The following MCRIP1 variants were observed in gnomAD, a reference collection of about 807,000 sequenced individuals.
MCRIP1 encodes mapk-regulated corepressor-interacting protein 1.
A neutral mutation model predicts 14.4 loss-of-function variants in MCRIP1; 10 were observed. The observed-to-expected ratio is 0.70, with a 90% CI of 0.43 to 1.18. The LOEUF is 1.18. MCRIP1 is among the 50% of genes most tolerant of loss of function. The pLI is 0.00. For synonymous variants in MCRIP1, 53 were observed against 55.7 expected (o/e 0.95, Z 0.21); for missense variants, 119 against 135.4 (o/e 0.88, Z 0.60).
intron 1 of MCRIP1, chr17:81,826,227 A>ACG (rs774829734): frequency 3.6e-4 from 220 of 610,332 alleles, no homozygotes; most frequent in South Asian, 2.0e-3. Context: ...CCTTGTGTGC[A>ACG]CACACACACA....
At position 81,823,562 on chromosome 17, in the gene MCRIP1, G is replaced by T. The variant is rs541600019; in HGVS notation, c.128-49C>A. On this transcript the variant is annotated intron_variant, in intron 3 of 4. Coordinates refer to ENST00000455127, the MANE Select transcript of MCRIP1 (RefSeq NM_207368.5). The surrounding 1 kb of genome is among the most constrained non-coding windows in gnomAD (Gnocchi z 6.0). ...CTCAGGGCCCCCTGCCCCAGGGGGT[G>T]GCATCCACGTCACGAGAGTGCCTGC... is the stretch of plus-strand genomic sequence containing the variant. 1 of 1,461,336 alleles carries T rather than the reference G, an allele frequency of 6.8e-7. No homozygotes were observed. The highest frequency in any genetic ancestry group is 1.2e-5 in the South Asian group (1 of 82,426). The allele number at this position is 1,461,336 out of a possible 1,614,324, so 90.5% of individuals were successfully genotyped here. A position where few individuals can be genotyped will look rare whatever the true frequency, so the allele number is the denominator to read the frequency against.
chr17:81,826,112 C>A, intron 1 of MCRIP1: 1 of 1,480,364 alleles, frequency 6.8e-7, no homozygotes, highest in South Asian at 1.3e-5. Flanking sequence ...GCAGCCACAC[C>A]TTTGGCCTGG....
At chr17:81,829,884 G>A (rs1188581498) in intron 1 of MCRIP1, among the ~76,000 whole-genome samples, 3 of 152,200 alleles carry the variant, frequency 2.0e-5, no homozygotes, top group Admixed American at 2.0e-4. Context: ...CTATCCCCAA[G>A]TCACTTAGCA....
chr17:81,826,690 G>C (rs1214408075), intron 1 of MCRIP1: 8 of 363,228 alleles, frequency 2.2e-5, no homozygotes, highest in African/African-American at 4.4e-5. Flanking sequence ...GTGGTGGCAG[G>C]CACCCGTAAT....
At chr17:81,825,463 G>A (rs2038371165) in intron 1 of MCRIP1, 6 of 1,196,476 alleles carry the variant, frequency 5.0e-6, no homozygotes, top group Non-Finnish European at 6.3e-6. Flanking sequence ...TTCCCAGGAG[G>A]GGGCTTTGAG....
chr17:81,827,165 G>C (rs1338832745), intron 1 of MCRIP1, among the ~76,000 whole-genome samples: 1 of 150,936 alleles, frequency 6.6e-6, no homozygotes, highest in African/African-American at 2.4e-5. Flanking sequence ...TATTAAAATA[G>C]GCCTGTAATC....
chr17:81,827,742 C>T (rs2143239220), intron 1 of MCRIP1, among the ~76,000 whole-genome samples: 1 of 151,306 alleles, frequency 6.6e-6, no homozygotes. Context: ...AATTTAAAAC[C>T]CCATAAATAT....
intron 1 of MCRIP1, among the ~76,000 whole-genome samples, chr17:81,828,911 C>T (rs917601163): frequency 6.6e-5 from 10 of 152,202 alleles, no homozygotes; most frequent in African/African-American, 2.4e-4. Flanking sequence ...TAGTGAGGCA[C>T]ACAGCTGAGG....
At chr17:81,830,511 C>T (rs2038495641) in intron 1 of MCRIP1, among the ~76,000 whole-genome samples, 2 of 151,926 alleles carry the variant, frequency 1.3e-5, no homozygotes, top group South Asian at 4.2e-4. Flanking sequence ...GTGGCAGTCG[C>T]CTGTAATCCC....
chr17:81,827,503 C>T (rs1338893417), intron 1 of MCRIP1, among the ~76,000 whole-genome samples: 3 of 151,754 alleles, frequency 2.0e-5, no homozygotes, highest in Admixed American at 6.6e-5. Flanking sequence ...GATCTCCTGA[C>T]CTTGTGATCC....
intron 1 of MCRIP1, among the ~76,000 whole-genome samples, chr17:81,831,681 G>T (rs559010812): frequency 1.3e-5 from 2 of 152,216 alleles, no homozygotes; most frequent in South Asian, 4.1e-4. Context: ...CAGCGCTGAA[G>T]GAGCCTGCCA....
chr17:81,824,895 C>G (rs913844815), intron 1 of MCRIP1: 1 of 1,204,060 alleles, frequency 8.3e-7, no homozygotes, highest in South Asian at 2.8e-5. Flanking sequence ...AGCCCCTCCC[C>G]ACGTGGGCTG....
At chr17:81,829,850 T>C (rs2038482483) in intron 1 of MCRIP1, among the ~76,000 whole-genome samples, 1 of 152,146 alleles carries the variant, frequency 6.6e-6, no homozygotes, top group Non-Finnish European at 1.5e-5. Flanking sequence ...TGGACACAGA[T>C]GTCTACATGA....
intron 1 of MCRIP1, chr17:81,825,071 A>C: frequency 9.9e-7 from 1 of 1,012,946 alleles, no homozygotes; most frequent in African/African-American, 1.7e-5. Flanking sequence ...CCTAAAGGTG[A>C]TCCCAGCTCC....
At chr17:81,827,439 T>C (rs1057153260) in intron 1 of MCRIP1, among the ~76,000 whole-genome samples, 1 of 151,478 alleles carries the variant, frequency 6.6e-6, no homozygotes, top group Non-Finnish European at 1.5e-5. Flanking sequence ...GCCCAGCTAA[T>C]TTTTTGTATT....
chr17:81,827,262 TTTTA>T (rs555491860), intron 1 of MCRIP1, among the ~76,000 whole-genome samples: 26 of 151,896 alleles, frequency 1.7e-4, no homozygotes, highest in East Asian at 3.9e-4. Flanking sequence ...ATCCCATTTC[TTTTA>T]TTTATTTATT....
rs934989555 is a variant in MCRIP1, at chr17:81,822,399, G to C, written c.*848C>G. 2.6e-5 allele frequency: 4 copies of C among 152,368 alleles called. No individual in the cohort carries two copies. Among genetic ancestry groups the C allele is most frequent in the Non-Finnish European group, 5.9e-5 (4 of 68,200 alleles). 9.4% of individuals were successfully genotyped at this position (152,368 alleles called of 1,614,324 possible). On this transcript the variant is annotated 3_prime_UTR_variant, in exon 5 of 5. Coordinates refer to ENST00000455127, the MANE Select transcript of MCRIP1 (RefSeq NM_207368.5). ...GTGCCGCAGGGGCAGAGGCCTGACA[G>C]ACCACCAAGAGGCCACGCCCAGTGC...
chr17:81,825,583 G>A, intron 1 of MCRIP1: 3 of 1,289,294 alleles, frequency 2.3e-6, no homozygotes, highest in Non-Finnish European at 3.0e-6. Context: ...AGTCCTCTCT[G>A]GCTCATTCCG....
At chr17:81,826,746 G>A (rs1191598258) in intron 1 of MCRIP1, 5 of 219,236 alleles carry the variant, frequency 2.3e-5, no homozygotes, top group Non-Finnish European at 4.5e-5. Flanking sequence ...TTGAACCCGG[G>A]AGGTGGAGGT....
Sources: gnomAD v4.1 joint callset for allele counts (sites outside exome capture counted in the v4.1 genomes callset) on GRCh38, gnomAD v4.1.1 for gene constraint, Gnocchi (gnomAD v3.1) non-coding constraint, MANE v1.5 for transcripts, NCBI Gene and HGNC (gene_info 2026-07-23, HGNC 2026-07-21) for gene names.